RPS6KA1: variants seen among roughly 807,000 people sequenced by gnomAD.
RPS6KA1 encodes ribosomal protein S6 kinase A1.
A neutral mutation model predicts 91.3 loss-of-function variants in RPS6KA1; 48 were observed. That is an observed-to-expected ratio of 0.53 (90% CI 0.42 to 0.67). RPS6KA1 has a LOEUF of 0.67. RPS6KA1 is among the 30% of genes least tolerant of loss of function. The pLI is 0.00. For synonymous variants in RPS6KA1, 359 were observed against 384.7 expected (o/e 0.93, Z 0.78); for missense variants, 719 against 960.5 (o/e 0.75, Z 3.32).
At position 26,554,900 on chromosome 1, in the gene RPS6KA1, G is replaced by A. The variant is rs2076085589; in HGVS notation, c.756+162G>A. On this transcript the variant is annotated intron_variant, in intron 9 of 21. Coordinates refer to ENST00000374168, the MANE Select transcript of RPS6KA1 (RefSeq NM_002953.4). This position sits in a 1 kb window ranked among gnomAD's most constrained non-coding sequence, Gnocchi z 4.6. ...CACCTGCAGTTTTCTTCCTTGGAAG[G>A]ATCCCAGGCTTGACCCCACCTGGGA... Among the ~76,000 whole-genome samples, 2 of 152,196 alleles carry A rather than the reference G, an allele frequency of 1.3e-5. No homozygotes were observed. The highest frequency in any genetic ancestry group is 4.8e-5 in the African/African-American group (2 of 41,442).
rs559733751 is a variant in RPS6KA1 at position 26,574,130 on chromosome 1, C to T, written c.2137C>T (p.Gln713Ter). The change falls in exon 22 of 22, where the codon CAG becomes TAG. Residue 713 changes from glutamine to a stop codon, truncating the protein, a stop_gained. Coordinates refer to ENST00000374168, the MANE Select transcript of RPS6KA1 (RefSeq NM_002953.4). LOFTEE classifies it high-confidence loss of function. This position sits in a 1 kb window ranked among gnomAD's most constrained non-coding sequence, Gnocchi z 4.3. ...ACTCAACAGCTCCAAGCCCACCCCC[C>T]AGCTGAAGCCCATCGAGTCATCCAT... ...SALNSSKPTP[Q>*]LKPIESSILA... The T allele has an allele frequency of 1.2e-6, 2 of 1,614,174 alleles. No individual in the cohort carries two copies. The highest frequency in any genetic ancestry group is 1.7e-5 in the Admixed American group (1 of 60,024).
chr1:26,572,909 G>A (rs2076261761), intron 20 of RPS6KA1, among the ~76,000 whole-genome samples: 1 of 152,232 alleles, frequency 6.6e-6, no homozygotes, highest in African/African-American at 2.4e-5. Context: ...CATTTGATGA[G>A]TGCAGAAGGC....
Position 26,561,582 on chromosome 1 carries a change from G to A in RPS6KA1, c.1509G>A (p.Arg503=), listed in dbSNP as rs2076154772. ...GGGAGCTGCTGGACAAGATCCTGCG[G>A]CAGAAGTTCTTCTCAGAGCGGGAGG... is the stretch of plus-strand genomic sequence containing the variant. ...RGGELLDKIL[R]QKFFSEREAS... Residue 503 remains arginine, a synonymous_variant, in exon 17 of 22, where the codon CGG becomes CGA. Coordinates refer to ENST00000374168, the MANE Select transcript of RPS6KA1 (RefSeq NM_002953.4). The surrounding 1 kb of genome is among the most constrained non-coding windows in gnomAD (Gnocchi z 5.7). 3 of 1,614,146 alleles carry A rather than the reference G, an allele frequency of 1.9e-6. No homozygotes were observed. The East Asian group carries it at 6.7e-5, about 36-fold the overall frequency.
chr1:26,571,134 CTT>C lies in RPS6KA1; in HGVS notation c.1591-312_1591-311del. On this transcript the variant is annotated intron_variant, in intron 17 of 21. Coordinates refer to ENST00000374168, the MANE Select transcript of RPS6KA1 (RefSeq NM_002953.4). This position sits in a 1 kb window ranked among gnomAD's most constrained non-coding sequence, Gnocchi z 5.1. ...AAGACTCCATCTCAAAAAAAAAAGACTTTTAAGATTTTGACCTAAGTAACAGG... is the reference window on the plus strand; with the variant it reads ...AAGACTCCATCTCAAAAAAAAAAGACTTAAGATTTTGACCTAAGTAACAGG... 3.9e-6 allele frequency: 1 copy of C among 258,528 alleles called. No homozygotes were observed. The highest frequency in any genetic ancestry group is 7.4e-6 in the Non-Finnish European group (1 of 134,306). 16.0% of individuals were successfully genotyped at this position (258,528 alleles called of 1,614,324 possible). A position where few individuals can be genotyped will look rare whatever the true frequency, so the allele number is the denominator to read the frequency against.
At chr1:26,568,125 A>G (rs1429109142) in intron 17 of RPS6KA1, among the ~76,000 whole-genome samples, 1 of 152,200 alleles carries the variant, frequency 6.6e-6, no homozygotes, top group East Asian at 1.9e-4. Flanking sequence ...TTTTAAAAAC[A>G]CTGGGTCCGA....
intron 2 of RPS6KA1, among the ~76,000 whole-genome samples, chr1:26,542,212 G>T (rs969165049): frequency 6.6e-6 from 1 of 152,178 alleles, no homozygotes; most frequent in Non-Finnish European, 1.5e-5. Flanking sequence ...AGGGACCAGG[G>T]GTTGGTAGGG....
rs2076091423 is a variant in RPS6KA1 at position 26,555,430 on chromosome 1, G to A, written c.828-107G>A. 1 of 1,194,254 alleles carries A rather than the reference G, an allele frequency of 8.4e-7. No individual in the cohort carries two copies. Among genetic ancestry groups the A allele is most frequent in the Non-Finnish European group, 1.2e-6 (1 of 830,606 alleles). The allele number at this position is 1,194,254 out of a possible 1,614,324, so 74.0% of individuals were successfully genotyped here. ...TGAAGCCTTTGGGAAGTGAATTAGT[G>A]GATGGCTTGTCTAGACTGAGCTGGG... On this transcript the variant is annotated intron_variant, in intron 10 of 21. Coordinates refer to ENST00000374168, the MANE Select transcript of RPS6KA1 (RefSeq NM_002953.4). The surrounding 1 kb of genome is among the most constrained non-coding windows in gnomAD (Gnocchi z 4.3).
chr1:26,550,344 G>A (rs1467921805), intron 4 of RPS6KA1, among the ~76,000 whole-genome samples: 2 of 151,808 alleles, frequency 1.3e-5, no homozygotes, highest in Non-Finnish European at 2.9e-5. Context: ...CACCAGGCTG[G>A]CTAATTTTTT....
intron 17 of RPS6KA1, among the ~76,000 whole-genome samples, chr1:26,564,702 T>A (rs1345424010): frequency 1.3e-5 from 2 of 152,200 alleles, no homozygotes; most frequent in Non-Finnish European, 1.5e-5. Flanking sequence ...CCTGATTATG[T>A]CTAATTTTTT....
intron 2 of RPS6KA1, chr1:26,543,056 T>C: frequency 8.1e-7 from 1 of 1,232,276 alleles, no homozygotes; most frequent in Admixed American, 2.1e-5. Flanking sequence ...GAGGGGGAAG[T>C]GAGAAGGAGG....
Position 26,558,018 on chromosome 1 carries a change from G to A in RPS6KA1, c.1085-789G>A, listed in dbSNP as rs1024390846. The stretch of plus-strand genomic sequence containing the variant: ...TAATTTTTGTATTTTTAGTAGAGAC[G>A]GGGTTTCACCATGTTGGCCAGGCTG... On this transcript the variant is annotated intron_variant, in intron 13 of 21. Coordinates refer to ENST00000374168, the MANE Select transcript of RPS6KA1 (RefSeq NM_002953.4). This position sits in a 1 kb window ranked among gnomAD's most constrained non-coding sequence, Gnocchi z 4.0. 5.3e-5 allele frequency among the ~76,000 whole-genome samples: 8 copies of A among 151,724 alleles called. No homozygotes were observed. The highest frequency in any genetic ancestry group is 2.0e-4 in the Admixed American group (3 of 15,172).
intron 4 of RPS6KA1, among the ~76,000 whole-genome samples, chr1:26,550,895 A>G (rs1442643835): frequency 1.3e-5 from 2 of 152,184 alleles, no homozygotes; most frequent in African/African-American, 4.8e-5. Context: ...AAGGGTGCCC[A>G]CCCAGACCCA....
Position 26,554,802 on chromosome 1 carries a change from A to G in RPS6KA1, c.756+64A>G. The G allele has an allele frequency of 4.6e-6, 7 of 1,534,998 alleles. No individual in the cohort carries two copies. Among genetic ancestry groups the G allele is most frequent in the Non-Finnish European group, 5.3e-6 (6 of 1,135,092 alleles). On this transcript the variant is annotated intron_variant, in intron 9 of 21. Coordinates refer to ENST00000374168, the MANE Select transcript of RPS6KA1 (RefSeq NM_002953.4). This position sits in a 1 kb window ranked among gnomAD's most constrained non-coding sequence, Gnocchi z 4.6. ...CTCTGGCCTCAGTCTCCCTATCTGT[A>G]CAGTGAGGGGGTTGATCATTTCTAG...
intron 20 of RPS6KA1, 111 bp from the exon 21 acceptor site, chr1:26,573,113 G>A: frequency 3.5e-6 from 4 of 1,153,670 alleles, no homozygotes; most frequent in Non-Finnish European, 3.7e-6. Context: ...CCCAGGGGCT[G>A]CCGCAAGGGT....
intron 2 of RPS6KA1, among the ~76,000 whole-genome samples, chr1:26,546,341 G>A (rs17162190): frequency 0.22 from 33,204 of 152,100 alleles, 4,354 homozygotes; most frequent in East Asian, 0.64. Flanking sequence ...CCTTAACTCT[G>A]ACCTGCCCCA....
Position 26,529,836 on chromosome 1 carries a change from G to C in RPS6KA1, c.-85G>C, listed in dbSNP as rs939623284. 9.2e-7 allele frequency: 1 copy of C among 1,082,790 alleles called. No homozygotes were observed. The highest frequency in any genetic ancestry group is 1.7e-5 in the African/African-American group (1 of 59,492). 67.1% of individuals were successfully genotyped at this position (1,082,790 alleles called of 1,614,324 possible). ...GGGGCTCGGGGGGGCGCGGCGGTTC[G>C]GGTCGCAGAGCCAGGGACCCCAGGA... On this transcript the variant is annotated 5_prime_UTR_variant, in exon 1 of 22. Transcript: ENST00000374168. This position sits in a 1 kb window ranked among gnomAD's most constrained non-coding sequence, Gnocchi z 4.2.
rs1171430365 is a variant in RPS6KA1, at chr1:26,572,235, G to A, written c.1889G>A (p.Gly630Asp). The A allele has an allele frequency of 6.2e-7, 1 of 1,614,020 alleles. No individual in the cohort carries two copies. ...DTPEEILTRI[G>D]SGKFTLSGGN... ...CCAGAGGAAATCCTAACCCGGATCG[G>A]CAGTGGGAAGTTTACCCTCAGTGGG... Residue 630 changes from glycine to aspartate, a missense_variant, in exon 20 of 22, where the codon GGC (glycine) becomes GAC (aspartate). Transcript: ENST00000374168.
intron 13 of RPS6KA1, among the ~76,000 whole-genome samples, chr1:26,557,777 T>TCCTCCCCTCCCCTCC (rs1182098277): frequency 1.1e-4 from 6 of 56,884 alleles, no homozygotes; most frequent in African/African-American, 3.8e-4. Context: ...CCCTCCCCTC[T>TCCTCCCCTCCCCTCC]CCTCCCCTCC....
intron 2 of RPS6KA1, among the ~76,000 whole-genome samples, chr1:26,546,262 G>A (rs1253318026): frequency 6.6e-6 from 1 of 152,224 alleles, no homozygotes; most frequent in South Asian, 2.1e-4. Context: ...GAAAGGCTAG[G>A]ACCTGGCAAG....
Sources: gnomAD v4.1 joint callset for allele counts (sites outside exome capture counted in the v4.1 genomes callset) on GRCh38, gnomAD v4.1.1 for gene constraint, Gnocchi (gnomAD v3.1) non-coding constraint, MANE v1.5 for transcripts, NCBI Gene and HGNC (gene_info 2026-07-23, HGNC 2026-07-21) for gene names.